Variants in SPOCK1 observed in about 807,000 individuals in gnomAD.
SPOCK1 encodes testican-1.
In SPOCK1, 23 loss-of-function variants were observed where a neutral mutation model predicts 55.3. That is an observed-to-expected ratio of 0.42 (90% confidence interval 0.30 to 0.59). The LOEUF (loss-of-function observed/expected upper bound fraction) is 0.59. SPOCK1 is among the 20% of genes least tolerant of loss of function. The pLI, the probability that SPOCK1 is intolerant of heterozygous loss-of-function variation, is 0.22. For synonymous variants in SPOCK1, 226 were observed against 221.0 expected (o/e 1.02, Z -0.20); for missense variants, 499 against 552.5 (o/e 0.90, Z 0.97).
chr5:137,216,839 C>T (rs563860237), intron 3 of SPOCK1, among the ~76,000 whole-genome samples: 4 of 152,254 alleles, frequency 2.6e-5, no homozygotes, highest in South Asian at 2.1e-4. Context: ...AACCATCACT[C>T]GGAAAGGCAT....
intron 1 of SPOCK1, among the ~76,000 whole-genome samples, chr5:137,498,853 GC>G (rs1754370009): frequency 1.3e-5 from 2 of 152,262 alleles, no homozygotes; most frequent in African/African-American, 2.4e-5. Flanking sequence ...CCTATCAGGG[GC>G]TTGGTACCCC....
intron 2 of SPOCK1, among the ~76,000 whole-genome samples, chr5:137,381,147 T>A (rs1046673924): frequency 2.0e-5 from 3 of 151,736 alleles, no homozygotes; most frequent in African/African-American, 7.3e-5. Context: ...ATCTTAAAGC[T>A]CCAAAATAAT....
intron 5 of SPOCK1, among the ~76,000 whole-genome samples, chr5:137,077,430 A>G (rs1752794229): frequency 6.6e-6 from 1 of 152,228 alleles, no homozygotes; most frequent in Non-Finnish European, 1.5e-5. Context: ...TGTGGTGCTG[A>G]CCGGCAGGGA....
At chr5:137,369,539 C>A (rs770641424) in intron 2 of SPOCK1, among the ~76,000 whole-genome samples, 4 of 152,166 alleles carry the variant, frequency 2.6e-5, no homozygotes, top group Non-Finnish European at 4.4e-5. Flanking sequence ...CTGGGTGTGC[C>A]ACTTACTAAC....
chr5:137,050,524 G>T (rs1028664835), intron 6 of SPOCK1, among the ~76,000 whole-genome samples: 8 of 151,060 alleles, frequency 5.3e-5, no homozygotes, highest in Admixed American at 2.0e-4. Flanking sequence ...GCACCCACTG[G>T]CCTGCGCCCA....
At chr5:137,258,210 G>A (rs907515014) in intron 3 of SPOCK1, among the ~76,000 whole-genome samples, 21 of 152,284 alleles carry the variant, frequency 1.4e-4, no homozygotes, top group African/African-American at 4.6e-4. Flanking sequence ...TACCCACTTA[G>A]GTACACACAG....
At chr5:137,171,222 C>T (rs1217080367) in intron 3 of SPOCK1, among the ~76,000 whole-genome samples, 3 of 152,168 alleles carry the variant, frequency 2.0e-5, no homozygotes, top group African/African-American at 7.2e-5. Flanking sequence ...TCTGAACTCA[C>T]GCTCTTGTCT....
At chr5:137,331,428 G>T (rs76336005) in intron 2 of SPOCK1, among the ~76,000 whole-genome samples, 2 of 152,178 alleles carry the variant, frequency 1.3e-5, no homozygotes, top group South Asian at 2.1e-4. Context: ...GAGAGAAGAT[G>T]ACTCCAAAAG....
At chr5:137,175,921 A>G (rs530224818) in intron 3 of SPOCK1, among the ~76,000 whole-genome samples, 1 of 152,280 alleles carries the variant, frequency 6.6e-6, no homozygotes, top group South Asian at 2.1e-4. Context: ...TAATTTGTTC[A>G]AATTTCACAA....
chr5:137,019,795 G>T (rs140618276), intron 6 of SPOCK1, among the ~76,000 whole-genome samples: 1 of 151,888 alleles, frequency 6.6e-6, no homozygotes, highest in Non-Finnish European at 1.5e-5. Flanking sequence ...AAAAAGGAAT[G>T]ATAGACAAAG....
In SPOCK1 at chr5:136,978,395, A is replaced by G. The variant is rs1396809415; in HGVS notation, c.*259T>C. 1 of 392,366 alleles carries G rather than the reference A, an allele frequency of 2.5e-6. No homozygotes were observed. The highest frequency in any genetic ancestry group is 4.2e-5 in the Admixed American group (1 of 23,832). 24.3% of individuals were successfully genotyped at this position (392,366 alleles called of 1,614,324 possible). A position where few individuals can be genotyped will look rare whatever the true frequency, so the allele number is the denominator to read the frequency against. ...TGGAAAAATCTCACAGAAAGGAAGG[A>G]GGCTCTAATTAAGCCAATGACTTCC... On this transcript the variant is annotated 3_prime_UTR_variant, in exon 11 of 11. Transcript: ENST00000394945.
chr5:137,470,033 C>G (rs1307903334), intron 2 of SPOCK1, among the ~76,000 whole-genome samples: 1 of 152,192 alleles, frequency 6.6e-6, no homozygotes, highest in East Asian at 1.9e-4. Context: ...AAGTTATCTC[C>G]TACCCTTGAA....
At chr5:137,001,506 C>T (rs1207137370) in intron 6 of SPOCK1, among the ~76,000 whole-genome samples, 1 of 152,192 alleles carries the variant, frequency 6.6e-6, no homozygotes. Flanking sequence ...CACTCATCTG[C>T]TCATCTATGA....
intron 3 of SPOCK1, among the ~76,000 whole-genome samples, chr5:137,209,747 A>G (rs1340003867): frequency 6.6e-6 from 1 of 152,172 alleles, no homozygotes; most frequent in Non-Finnish European, 1.5e-5. Context: ...AAGGTAGAAA[A>G]TTGATTCATA....
intron 3 of SPOCK1, among the ~76,000 whole-genome samples, chr5:137,237,860 G>C (rs931374476): frequency 6.6e-6 from 1 of 152,178 alleles, no homozygotes; most frequent in African/African-American, 2.4e-5. Context: ...GGTTCCAGGG[G>C]TTGCAGATGC....
intron 2 of SPOCK1, among the ~76,000 whole-genome samples, chr5:137,383,322 C>G (rs770719697): frequency 6.6e-6 from 1 of 152,176 alleles, no homozygotes; most frequent in African/African-American, 2.4e-5. Flanking sequence ...CCCTTCCCCT[C>G]CCCACATCCT....
At position 137,130,876 on chromosome 5, in the gene SPOCK1, G is replaced by T. The variant is rs377013875; in HGVS notation, c.347+9704C>A. Among the ~76,000 whole-genome samples, 13 of 152,304 alleles carry T rather than the reference G, an allele frequency of 8.5e-5. 1 individual carries two copies. The South Asian group carries it at 2.7e-3, about 32-fold the overall frequency. ...CTCATTTAAGAGAATGCCTTGGAAAGGTGCCAAGGTCCCCAAACTAATTAA... is the reference window on the plus strand; with the variant it reads ...CTCATTTAAGAGAATGCCTTGGAAATGTGCCAAGGTCCCCAAACTAATTAA... On this transcript the variant is annotated intron_variant, in intron 4 of 10. Coordinates refer to ENST00000394945, the MANE Select transcript of SPOCK1 (RefSeq NM_004598.4).
intron 3 of SPOCK1, among the ~76,000 whole-genome samples, chr5:137,225,176 G>C (rs548486125): frequency 6.6e-6 from 1 of 152,086 alleles, no homozygotes; most frequent in Admixed American, 6.6e-5. Context: ...TACAAGCAGA[G>C]AATGACAAGA....
intron 3 of SPOCK1, among the ~76,000 whole-genome samples, chr5:137,183,887 A>G (rs1580795438): frequency 6.6e-6 from 1 of 152,360 alleles, no homozygotes; most frequent in East Asian, 1.9e-4. Context: ...ACTTGCTTAA[A>G]GTCACCCATC....
Sources: gnomAD v4.1 joint callset for allele counts (sites outside exome capture counted in the v4.1 genomes callset) on GRCh38, gnomAD v4.1.1 for gene constraint, MANE v1.5 for transcripts, NCBI Gene and HGNC (gene_info 2026-07-23, HGNC 2026-07-21) for gene names.